Variants in MRC1 observed in about 807,000 individuals in gnomAD.
MRC1 encodes mannose receptor C-type 1.
Under a neutral mutation model 102.9 loss-of-function variants are expected in MRC1, and 62 were observed. The observed-to-expected ratio is 0.60, with a 90% CI of 0.49 to 0.74. MRC1 has a LOEUF of 0.74. MRC1 is among the 30% of genes least tolerant of loss of function. The pLI is 0.00. For synonymous variants in MRC1, 457 were observed against 298.4 expected (o/e 1.53, Z -5.48); for missense variants, 1,237 against 862.8 (o/e 1.43, Z -5.43).
intron 9 of MRC1, among the ~76,000 whole-genome samples, chr10:17,858,360 C>A (rs1820583862): frequency 1.3e-5 from 2 of 152,110 alleles, no homozygotes; most frequent in Non-Finnish European, 2.9e-5. Context: ...ATTTTAAAAT[C>A]TTCTCCTTGT....
intron 25 of MRC1, 125 bp downstream of exon 25, chr10:17,901,078 C>T: frequency 1.5e-6 from 1 of 681,234 alleles, no homozygotes; most frequent in East Asian, 2.5e-5. Flanking sequence ...GAACATACTC[C>T]CTCACCTATC....
At chr10:17,908,478 C>A (rs1833925673) in intron 28 of MRC1, among the ~76,000 whole-genome samples, 3 of 150,844 alleles carry the variant, frequency 2.0e-5, no homozygotes, top group African/African-American at 4.9e-5. Context: ...TAGAGTTTAC[C>A]ATTTTAGAAT....
chr10:17,890,993 G>T (rs1554843069), intron 22 of MRC1, among the ~76,000 whole-genome samples: 4 of 151,644 alleles, frequency 2.6e-5, no homozygotes, highest in Non-Finnish European at 5.9e-5. Flanking sequence ...TGGGATCTAG[G>T]TTGCACGCTC....
intron 22 of MRC1, 69 bp from the exon 23 acceptor site, chr10:17,894,134 TTTGCTTA>T (rs1382194927): frequency 7.1e-6 from 6 of 846,932 alleles, no homozygotes; most frequent in Non-Finnish European, 1.2e-5. Flanking sequence ...GAAAGATTTT[TTTGCTTA>T]TTAATGAATT....
At chr10:17,898,864 A>G (rs1833790837) in intron 24 of MRC1, among the ~76,000 whole-genome samples, 1 of 152,224 alleles carries the variant, frequency 6.6e-6, no homozygotes, top group Non-Finnish European at 1.5e-5. Context: ...CTAGTCATGC[A>G]TCTGTCCTCC....
intron 14 of MRC1, 120 bp downstream of exon 14, chr10:17,871,055 C>A (rs1220121737): frequency 1.4e-6 from 1 of 735,656 alleles, no homozygotes; most frequent in African/African-American, 1.8e-5. Flanking sequence ...ACTATCCTGC[C>A]ATGCAAAATT....
At chr10:17,814,613 C>T (rs1838277136) in intron 1 of MRC1, among the ~76,000 whole-genome samples, 2 of 151,792 alleles carry the variant, frequency 1.3e-5, no homozygotes, top group Non-Finnish European at 2.9e-5. Flanking sequence ...GAAGATAACC[C>T]TCCACACCAC....
rs1833594195 is a variant in MRC1, at chr10:17,886,338, T to TC, written c.3147+904dup. ...TTCCCTCCTTCCTTCCTTCCTTCCT[T>TC]CTTCTTTCCCTCCCTCCCTCTCCCT... On this transcript the variant is annotated intron_variant, in intron 22 of 29. Transcript: ENST00000569591. Among the ~76,000 whole-genome samples, 677 of 148,448 alleles carry TC rather than the reference T, an allele frequency of 4.6e-3. 8 individuals are homozygous for TC. Among genetic ancestry groups the TC allele is most frequent in the African/African-American group, 0.016 (634 of 39,822 alleles).
chr10:17,847,518 G>A (rs1166943320), intron 6 of MRC1, among the ~76,000 whole-genome samples: 1 of 152,182 alleles, frequency 6.6e-6, no homozygotes. Flanking sequence ...GCTTGGAAAA[G>A]CGTATCAGAG....
chr10:17,854,519 G>A (rs1441870309), intron 8 of MRC1, among the ~76,000 whole-genome samples: 1 of 152,046 alleles, frequency 6.6e-6, no homozygotes, highest in Non-Finnish European at 1.5e-5. Flanking sequence ...AGAGCCGGAA[G>A]GGTGGGTAGG....
chr10:17,893,137 TTCCCTCCC>T (rs1206626651), intron 22 of MRC1, among the ~76,000 whole-genome samples: 22 of 151,638 alleles, frequency 1.5e-4, no homozygotes, highest in African/African-American at 5.3e-4. Flanking sequence ...CAGCCCTTCC[TTCCCTCCC>T]TCCCTCCCTC....
In MRC1 at chr10:17,847,683, C is replaced by T. The variant is rs1046674858; in HGVS notation, c.1064-1896C>T. ...TAGCAGCCACTTAACCGCATGTGGCCACTGAGCACATGAGCTGTGGCTAGA... is the reference window on the plus strand; with the variant it reads ...TAGCAGCCACTTAACCGCATGTGGCTACTGAGCACATGAGCTGTGGCTAGA... On this transcript the variant is annotated intron_variant, in intron 6 of 29. Coordinates refer to ENST00000569591, the MANE Select transcript of MRC1 (RefSeq NM_002438.4). Among the ~76,000 whole-genome samples, 10 of 152,372 alleles carry T rather than the reference C, an allele frequency of 6.6e-5. No homozygotes were observed. In the East Asian group the frequency reaches 1.5e-3, roughly 23 times the overall value.
At chr10:17,847,737 A>G (rs1011363543) in intron 6 of MRC1, among the ~76,000 whole-genome samples, 4 of 152,230 alleles carry the variant, frequency 2.6e-5, no homozygotes, top group Non-Finnish European at 4.4e-5. Context: ...TGGCTGCCCC[A>G]GGGAACTCCC....
chr10:17,886,036 T>TA (rs1833588607), intron 22 of MRC1, among the ~76,000 whole-genome samples: 1 of 152,210 alleles, frequency 6.6e-6, no homozygotes, highest in South Asian at 2.1e-4. Context: ...ATTTTGTTTT[T>TA]ACCTTAAAAG....
intron 14 of MRC1, 86 bp from the exon 15 acceptor site, chr10:17,871,896 A>G: frequency 2.7e-6 from 2 of 732,386 alleles, no homozygotes; most frequent in Middle Eastern, 2.6e-4. Flanking sequence ...CAATGCAAAC[A>G]TATCTTTCGT....
intron 9 of MRC1, among the ~76,000 whole-genome samples, chr10:17,859,187 C>A (rs1833142051): frequency 6.6e-6 from 1 of 152,016 alleles, no homozygotes; most frequent in African/African-American, 2.4e-5. Context: ...CTATTTTGAT[C>A]TTTTGTTATT....
At chr10:17,843,224 A>AC (rs1263345303) in intron 5 of MRC1, among the ~76,000 whole-genome samples, 1 of 151,384 alleles carries the variant, frequency 6.6e-6, no homozygotes, top group Non-Finnish European at 1.5e-5. Flanking sequence ...TAGAGCTAGA[A>AC]ATGTATTTGT....
chr10:17,818,667 G>T (rs1339627235), intron 1 of MRC1, among the ~76,000 whole-genome samples: 1 of 152,126 alleles, frequency 6.6e-6, no homozygotes, highest in Admixed American at 6.5e-5. Context: ...AAATTAGGTG[G>T]GTGTGGTGAC....
chr10:17,902,206 T>C (rs1833838288), intron 26 of MRC1, 84 bp downstream of exon 26: 6 of 681,460 alleles, frequency 8.8e-6, no homozygotes, highest in Admixed American at 4.7e-5. Context: ...ATACAAAGAA[T>C]GTAAAAATAC....
Sources: gnomAD v4.1 joint callset for allele counts (sites outside exome capture counted in the v4.1 genomes callset) on GRCh38, gnomAD v4.1.1 for gene constraint, MANE v1.5 for transcripts, NCBI Gene and HGNC (gene_info 2026-07-23, HGNC 2026-07-21) for gene names.